Variants in CARMIL1 observed in about 807,000 individuals in gnomAD.
The protein encoded by CARMIL1 is F-actin-uncapping protein LRRC16A.
Under a neutral mutation model 177.1 loss-of-function variants are expected in CARMIL1, and 90 were observed. The observed-to-expected ratio is 0.51, with a 90% CI of 0.43 to 0.61. The LOEUF (loss-of-function observed/expected upper bound fraction) is 0.61, where lower values mean the gene tolerates loss of function less well. Ranked by LOEUF, CARMIL1 falls within the 20% of genes least tolerant of loss-of-function variation. The pLI, the probability that CARMIL1 is intolerant of heterozygous loss-of-function variation, is 0.00. For missense variants in CARMIL1, 1,380 were observed against 1,667.0 expected, an observed-to-expected ratio of 0.83 and a Z score of 3.00; for synonymous variants, 577 against 606.2, an observed-to-expected ratio of 0.95 and a Z score of 0.71.
At chr6:25,367,022 C>T (rs1215745747) in intron 2 of CARMIL1, among the ~76,000 whole-genome samples, 3 of 152,154 alleles carry the variant, frequency 2.0e-5, no homozygotes, top group African/African-American at 7.2e-5. Flanking sequence ...TGCAGTTACT[C>T]ATAGTAGCAT....
chr6:25,314,577 C>CACATATATATGTATGTATACATTCACAT (rs1784130053), intron 2 of CARMIL1, among the ~76,000 whole-genome samples: 1 of 151,778 alleles, frequency 6.6e-6, no homozygotes, highest in African/African-American at 2.4e-5. Context: ...TACATTCACA[C>CACATATATATGTATGTATACATTCACAT]ATGCACTTAT....
At chr6:25,550,565 C>A (rs184700534) in intron 26 of CARMIL1, among the ~76,000 whole-genome samples, 1 of 152,026 alleles carries the variant, frequency 6.6e-6, no homozygotes, top group Non-Finnish European at 1.5e-5. Flanking sequence ...AAAACAAGTT[C>A]TTGTGGTAAG....
At chr6:25,389,371 G>T (rs1237932076) in intron 2 of CARMIL1, among the ~76,000 whole-genome samples, 3 of 151,250 alleles carry the variant, frequency 2.0e-5, no homozygotes, top group Non-Finnish European at 4.4e-5. Context: ...AGATTTGGGG[G>T]GGTCTTGCTG....
At chr6:25,565,090 G>A (rs1582381239) in intron 29 of CARMIL1, among the ~76,000 whole-genome samples, 2 of 152,294 alleles carry the variant, frequency 1.3e-5, no homozygotes, top group South Asian at 4.1e-4. Context: ...ATTTAGTAGG[G>A]AGAGTGGCAC....
At chr6:25,598,893 T>C (rs1035317682) in intron 32 of CARMIL1, among the ~76,000 whole-genome samples, 1 of 152,168 alleles carries the variant, frequency 6.6e-6, no homozygotes, top group Non-Finnish European at 1.5e-5. Flanking sequence ...TGTTGAGCTT[T>C]GGAAACTTTG....
intron 18 of CARMIL1, 127 bp from the exon 19 acceptor site, chr6:25,510,379 AT>A (rs759145553): frequency 1.0e-5 from 6 of 580,802 alleles, no homozygotes; most frequent in Non-Finnish European, 1.5e-5. Context: ...AAAGATTAGA[AT>A]CCCAGGCCCC....
intron 17 of CARMIL1, among the ~76,000 whole-genome samples, chr6:25,503,221 C>T (rs1454236679): frequency 2.0e-5 from 3 of 152,146 alleles, no homozygotes; most frequent in Non-Finnish European, 2.9e-5. Context: ...ATACTGCCGA[C>T]ATGGGGAAGT....
chr6:25,368,500 A>G (rs1338573216), intron 2 of CARMIL1, among the ~76,000 whole-genome samples: 1 of 152,236 alleles, frequency 6.6e-6, no homozygotes, highest in African/African-American at 2.4e-5. Flanking sequence ...CACCAGCTAC[A>G]TACAGATCAA....
rs759006157 is a variant in CARMIL1 at position 25,600,534 on chromosome 6, G to A, written c.3340G>A (p.Ala1114Thr). The A allele has an allele frequency of 1.4e-5, 23 of 1,614,020 alleles. No individual in the cohort carries two copies. In the South Asian group the frequency reaches 1.5e-4, roughly 11 times the overall value. The change falls in exon 33 of 37, where the codon GCC becomes ACC. Residue 1114 changes from alanine (A) to threonine (T), a missense_variant. Coordinates refer to ENST00000329474, the MANE Select transcript of CARMIL1 (RefSeq NM_017640.6). The part of the protein sequence containing the change: ...VDCPRKDTKA[A>T]EHNGNSERIE... ...CTGTCCCAGGAAGGACACAAAGGCC[G>A]CCGAGCACAATGGCAATTCTGAACG...
intron 2 of CARMIL1, among the ~76,000 whole-genome samples, chr6:25,353,347 A>T (rs1788295034): frequency 6.6e-6 from 1 of 152,166 alleles, no homozygotes; most frequent in Non-Finnish European, 1.5e-5. Flanking sequence ...GACAGGGTAA[A>T]TGCTGTCCCA....
intron 2 of CARMIL1, among the ~76,000 whole-genome samples, chr6:25,318,519 C>A (rs545213793): frequency 6.6e-6 from 1 of 152,186 alleles, no homozygotes; most frequent in Admixed American, 6.5e-5. Context: ...ATCTGTCCTA[C>A]TCCGGGAAAT....
At chr6:25,482,064 C>A (rs7769283) in intron 11 of CARMIL1, among the ~76,000 whole-genome samples, 193 bp from the exon 12 acceptor site, 1 of 152,100 alleles carries the variant, frequency 6.6e-6, no homozygotes, top group Non-Finnish European at 1.5e-5. Context: ...ACAATCTTCC[C>A]CTTCTCTTAC....
At chr6:25,469,816 C>G (rs1800944462) in intron 9 of CARMIL1, among the ~76,000 whole-genome samples, 1 of 152,142 alleles carries the variant, frequency 6.6e-6, no homozygotes, top group Non-Finnish European at 1.5e-5. Context: ...CTGCCTTCCT[C>G]AGTTTCCCAA....
chr6:25,405,210 G>C (rs986549862), intron 2 of CARMIL1, among the ~76,000 whole-genome samples: 1 of 152,180 alleles, frequency 6.6e-6, no homozygotes, highest in African/African-American at 2.4e-5. Context: ...CCTGAGCTTC[G>C]AGAAAGAAAA....
chr6:25,465,521 A>G (rs941213820), intron 8 of CARMIL1: 1 of 163,762 alleles, frequency 6.1e-6, no homozygotes, highest in Non-Finnish European at 1.3e-5. Context: ...CCCTGTCTCA[A>G]AAAAAAAAAA....
At position 25,620,418 on chromosome 6, in the gene CARMIL1, A is replaced by G. The variant is rs1759647015; in HGVS notation, c.*835A>G. Reference sequence around the variant, plus strand: ...GAGAGAATACTTTGACACCTGTAAAAATCAAAATACTACTCTTTATAAGAC... The same window carrying G: ...GAGAGAATACTTTGACACCTGTAAAGATCAAAATACTACTCTTTATAAGAC... On this transcript the variant is annotated 3_prime_UTR_variant, in exon 37 of 37. Coordinates refer to ENST00000329474, the MANE Select transcript of CARMIL1 (RefSeq NM_017640.6). 6.6e-6 allele frequency: 1 copy of G among 152,254 alleles called. No individual in the cohort carries two copies. Among genetic ancestry groups the G allele is most frequent in the African/African-American group, 2.4e-5 (1 of 41,470 alleles). The allele number at this position is 152,254 out of a possible 1,614,324, so 9.4% of individuals were successfully genotyped here.
intron 26 of CARMIL1, among the ~76,000 whole-genome samples, chr6:25,544,225 G>A (rs1809201186): frequency 6.6e-6 from 1 of 152,080 alleles, no homozygotes. Context: ...GAATTTCAGA[G>A]ATGAATTAAA....
At chr6:25,580,382 C>T (rs904951937) in intron 29 of CARMIL1, among the ~76,000 whole-genome samples, 1 of 152,168 alleles carries the variant, frequency 6.6e-6, no homozygotes, top group African/African-American at 2.4e-5. Context: ...GGATCAAAGA[C>T]ATTTCACTGA....
At chr6:25,344,078 T>C (rs1787241033) in intron 2 of CARMIL1, among the ~76,000 whole-genome samples, 1 of 152,116 alleles carries the variant, frequency 6.6e-6, no homozygotes, top group Non-Finnish European at 1.5e-5. Context: ...TTCTGTGAGT[T>C]CTCCAGGATT....
Sources: gnomAD v4.1 joint callset for allele counts (sites outside exome capture counted in the v4.1 genomes callset) on GRCh38, gnomAD v4.1.1 for gene constraint, MANE v1.5 for transcripts, NCBI Gene and HGNC (gene_info 2026-07-23, HGNC 2026-07-21) for gene names.